The following EMC2 variants were observed in gnomAD, a reference collection of about 807,000 sequenced individuals.
EMC2 encodes ER membrane protein complex subunit 2.
In EMC2, 37 loss-of-function variants were observed where a neutral mutation model predicts 51.6. The observed-to-expected ratio is 0.72, with a 90% CI of 0.55 to 0.94. The LOEUF is 0.94. EMC2 is among the 40% of genes least tolerant of loss of function. The pLI, the probability that EMC2 is intolerant of heterozygous loss-of-function variation, is 0.00. For missense variants in EMC2, 359 were observed against 350.9 expected, an observed-to-expected ratio of 1.02 and a Z score of -0.18; for synonymous variants, 131 against 112.4, an observed-to-expected ratio of 1.17 and a Z score of -1.04.
intron 5 of EMC2, among the ~76,000 whole-genome samples, chr8:108,460,669 C>T (rs553914924): frequency 2.6e-5 from 4 of 152,116 alleles, no homozygotes; most frequent in Admixed American, 1.3e-4. Context: ...ATCCTTATTG[C>T]TGTGATATCT....
rs747975290 is a variant in EMC2 at position 108,475,879 on chromosome 8, T to G, written c.510-3T>G. 6.4e-7 allele frequency: 1 copy of G among 1,566,830 alleles called. No homozygotes were observed. The highest frequency in any genetic ancestry group is 8.7e-7 in the Non-Finnish European group (1 of 1,144,782). On this transcript the variant is annotated splice_region_variant and splice_polypyrimidine_tract_variant and intron_variant, in intron 7 of 10. Transcript: ENST00000220853. ...TTAATTTCTCCTCTTGATGTGTTTT[T>G]AGCTATGCAAAAGCAGCCTTTTGTT... is the stretch of plus-strand genomic sequence containing the variant.
At chr8:108,446,607 G>A (rs1057173578) in intron 1 of EMC2, among the ~76,000 whole-genome samples, 4 of 152,082 alleles carry the variant, frequency 2.6e-5, no homozygotes, top group African/African-American at 7.2e-5. Flanking sequence ...ATTAACAGAA[G>A]GTGGAATTAA....
intron 10 of EMC2, among the ~76,000 whole-genome samples, chr8:108,481,172 G>A (rs923778562): frequency 6.6e-6 from 1 of 152,038 alleles, no homozygotes; most frequent in African/African-American, 2.4e-5. Context: ...GTTCTGTTAT[G>A]TTGGTTTTGG....
chr8:108,476,884 CT>C lies in EMC2; in HGVS notation c.697del (p.Tyr233IlefsTer22). ...CAGAAATATGAGAGCTTTGTTTGGA[CT>C]TTATATGGTGAGTTGAGGTGCATGT... is the stretch of plus-strand genomic sequence containing the variant. ...NNRNMRALFG[L>X]YMSASHIASN... On this transcript the variant is annotated frameshift_variant, in exon 9 of 11. Transcript: ENST00000220853. LOFTEE classifies it high-confidence loss of function. The C allele has an allele frequency of 6.7e-7, 1 of 1,483,268 alleles. No homozygotes were observed. Among genetic ancestry groups the C allele is most frequent in the Non-Finnish European group, 9.4e-7 (1 of 1,061,666 alleles). The allele number at this position is 1,483,268 out of a possible 1,614,324, so 91.9% of individuals were successfully genotyped here. A position where few individuals can be genotyped will look rare whatever the true frequency, so the allele number is the denominator to read the frequency against.
intron 10 of EMC2, among the ~76,000 whole-genome samples, chr8:108,484,166 G>A (rs1408930520): frequency 1.3e-5 from 2 of 151,962 alleles, no homozygotes; most frequent in Admixed American, 1.3e-4. Context: ...ATCCTTCTTT[G>A]TTGCACTGGT....
chr8:108,455,996 A>G, intron 5 of EMC2, 66 bp downstream of exon 5: 1 of 559,214 alleles, frequency 1.8e-6, no homozygotes, highest in Non-Finnish European at 2.8e-6. Flanking sequence ...TAATCGAGGA[A>G]ATAATAGATA....
At chr8:108,450,100 A>G (rs902882953) in intron 2 of EMC2, among the ~76,000 whole-genome samples, 164 bp downstream of exon 2, 2 of 151,750 alleles carry the variant, frequency 1.3e-5, no homozygotes, top group African/African-American at 4.8e-5. Flanking sequence ...AGAAGGATTT[A>G]TAATTGCTTG....
intron 10 of EMC2, 88 bp downstream of exon 10, chr8:108,479,198 C>T: frequency 1.7e-6 from 1 of 592,414 alleles, no homozygotes; most frequent in Non-Finnish European, 2.8e-6. Flanking sequence ...GTATGTCTAG[C>T]ATTGGACTTA....
At chr8:108,464,779 A>C (rs1586184776) in intron 5 of EMC2, among the ~76,000 whole-genome samples, 1 of 152,330 alleles carries the variant, frequency 6.6e-6, no homozygotes, top group Non-Finnish European at 1.5e-5. Context: ...ATGCTGCTGA[A>C]TACACCCGAG....
chr8:108,466,911 C>T (rs1453675706), intron 5 of EMC2, among the ~76,000 whole-genome samples: 1 of 152,046 alleles, frequency 6.6e-6, no homozygotes, highest in Non-Finnish European at 1.5e-5. Flanking sequence ...TCTTTATTCA[C>T]AGTTAGACAT....
At chr8:108,473,501 A>T (rs989305564) in intron 7 of EMC2, among the ~76,000 whole-genome samples, 5 of 152,072 alleles carry the variant, frequency 3.3e-5, no homozygotes, top group African/African-American at 4.8e-5. Flanking sequence ...TGGTTAAGGG[A>T]TACCCAACCT....
At chr8:108,452,714 A>C (rs1272526116) in intron 3 of EMC2, among the ~76,000 whole-genome samples, 1 of 152,212 alleles carries the variant, frequency 6.6e-6, no homozygotes, top group African/African-American at 2.4e-5. Context: ...ATTAGGAAGA[A>C]AACGCCAGGC....
intron 9 of EMC2, among the ~76,000 whole-genome samples, chr8:108,477,773 TAATATACAACA>T (rs901075709): frequency 1.3e-5 from 2 of 152,088 alleles, no homozygotes; most frequent in Admixed American, 1.3e-4. Context: ...TTTTAAAAAC[TAATATACAACA>T]AATTAATAAT....
At chr8:108,478,334 C>G (rs908168389) in intron 9 of EMC2, among the ~76,000 whole-genome samples, 2 of 151,828 alleles carry the variant, frequency 1.3e-5, no homozygotes, top group Non-Finnish European at 1.5e-5. Flanking sequence ...GATTAAGAAC[C>G]GCTCATTTAA....
intron 7 of EMC2, chr8:108,474,726 T>C: frequency 6.6e-6 from 1 of 151,932 alleles, no homozygotes; most frequent in Non-Finnish European, 1.5e-5. Flanking sequence ...TTCAATGTGA[T>C]GTGTAATGCA....
At chr8:108,475,567 A>G (rs919014890) in intron 7 of EMC2, 1 of 199,016 alleles carries the variant, frequency 5.0e-6, no homozygotes, top group African/African-American at 2.3e-5. Context: ...AGCTTGATCC[A>G]AGGTCTTGAA....
intron 10 of EMC2, among the ~76,000 whole-genome samples, chr8:108,485,844 C>G (rs553717654): frequency 4.3e-4 from 65 of 151,310 alleles, no homozygotes; most frequent in African/African-American, 1.5e-3. Flanking sequence ...ATAGTAAAAT[C>G]CAATCCCAAT....
intron 5 of EMC2, among the ~76,000 whole-genome samples, chr8:108,463,617 T>C (rs564641235): frequency 6.6e-6 from 1 of 152,254 alleles, no homozygotes; most frequent in South Asian, 2.1e-4. Flanking sequence ...CTCTGCCTAT[T>C]GTGATATATC....
chr8:108,473,584 A>G (rs750534525), intron 7 of EMC2, among the ~76,000 whole-genome samples: 1 of 152,092 alleles, frequency 6.6e-6, no homozygotes, highest in Non-Finnish European at 1.5e-5. Flanking sequence ...ACTAGATACT[A>G]TACAGCAAGG....
Sources: gnomAD v4.1 joint callset for allele counts (sites outside exome capture counted in the v4.1 genomes callset) on GRCh38, gnomAD v4.1.1 for gene constraint, MANE v1.5 for transcripts, NCBI Gene and HGNC (gene_info 2026-07-23, HGNC 2026-07-21) for gene names.